KIF1B: variants seen among roughly 807,000 people sequenced by gnomAD.
KIF1B encodes the protein kinesin family member 1B.
Under a neutral mutation model 241.9 loss-of-function variants are expected in KIF1B, and 76 were observed. The ratio of observed to expected loss-of-function variants is 0.31; its 90% CI spans 0.26 to 0.38. KIF1B has a LOEUF of 0.38. KIF1B is among the 10% of genes least tolerant of loss of function. The pLI is 1.00. For synonymous variants in KIF1B, 750 were observed against 796.7 expected, an observed-to-expected ratio of 0.94 and a Z score of 0.99; for missense variants, 1,622 against 2,271.4, an observed-to-expected ratio of 0.71 and a Z score of 5.81.
chr1:10,321,921 G>A, intron 24 of KIF1B, 64 bp downstream of exon 24: 1 of 1,587,438 alleles, frequency 6.3e-7, no homozygotes, highest in Non-Finnish European at 8.6e-7. Flanking sequence ...GTGCATCTGG[G>A]TTCTCACCTT....
chr1:10,244,400 C>G (rs1202075993), intron 2 of KIF1B, among the ~76,000 whole-genome samples: 1 of 150,292 alleles, frequency 6.7e-6, no homozygotes, highest in African/African-American at 2.4e-5. Context: ...CCGCAACCTC[C>G]GCCTCCCAGG....
intron 5 of KIF1B, among the ~76,000 whole-genome samples, chr1:10,262,868 CTTTT>C (rs1477656710): frequency 6.6e-6 from 1 of 152,134 alleles, no homozygotes; most frequent in African/African-American, 2.4e-5. Context: ...CCCTTTCCCA[CTTTT>C]TTAATTGCTT....
At chr1:10,369,341 T>A (rs1401343020) in intron 44 of KIF1B, among the ~76,000 whole-genome samples, 1 of 152,206 alleles carries the variant, frequency 6.6e-6, no homozygotes, top group Non-Finnish European at 1.5e-5. Flanking sequence ...CTTATATTAA[T>A]TCAGGGGCTG....
chr1:10,308,983 G>A (rs1650954172), intron 22 of KIF1B, among the ~76,000 whole-genome samples: 1 of 152,032 alleles, frequency 6.6e-6, no homozygotes, highest in Non-Finnish European at 1.5e-5. Context: ...CTTTATATGG[G>A]CAGAAACTAA....
intron 2 of KIF1B, among the ~76,000 whole-genome samples, chr1:10,244,523 G>A (rs1449899468): frequency 6.6e-6 from 1 of 151,580 alleles, no homozygotes; most frequent in African/African-American, 2.4e-5. Context: ...CCATCTTGAG[G>A]CTGGTCTCGA....
intron 41 of KIF1B, among the ~76,000 whole-genome samples, chr1:10,364,203 T>C (rs973306849): frequency 4.2e-5 from 6 of 143,414 alleles, no homozygotes; most frequent in African/African-American, 1.6e-4. Flanking sequence ...ACAGGATCTT[T>C]TTTTTTTTTT....
intron 2 of KIF1B, among the ~76,000 whole-genome samples, chr1:10,251,352 GGAAAAGA>G (rs1025168757): frequency 2.0e-5 from 3 of 149,666 alleles, no homozygotes; most frequent in Admixed American, 1.3e-4. Flanking sequence ...TTTTTACTAA[GGAAAAGA>G]GAACAAAGCG....
rs747362975 is a variant in KIF1B, at chr1:10,275,424, A to C, written c.883-4A>C. ...TGCTAAGACCATTTCTTTTCCTTTA[A>C]TAGAGTAAAAAGAAGAAGAAAACAG... On this transcript the variant is annotated splice_polypyrimidine_tract_variant and splice_region_variant and intron_variant, in intron 10 of 48. Coordinates refer to ENST00000676179, the MANE Select transcript of KIF1B (RefSeq NM_001365951.3). 3 of 1,507,514 alleles carry C rather than the reference A, an allele frequency of 2.0e-6. No homozygotes were observed. The highest frequency in any genetic ancestry group is 2.8e-6 in the Non-Finnish European group (3 of 1,083,624). 93.4% of individuals were successfully genotyped at this position (1,507,514 alleles called of 1,614,324 possible). A position where few individuals can be genotyped will look rare whatever the true frequency, so the allele number is the denominator to read the frequency against.
chr1:10,240,814 T>A (rs994195869), intron 2 of KIF1B, among the ~76,000 whole-genome samples: 1 of 149,766 alleles, frequency 6.7e-6, no homozygotes, highest in South Asian at 2.1e-4. Flanking sequence ...TCCTCCTACC[T>A]TGGCTTCCTA....
intron 1 of KIF1B, among the ~76,000 whole-genome samples, chr1:10,224,252 GT>G (rs1646882529): frequency 6.6e-6 from 1 of 152,186 alleles, no homozygotes; most frequent in Admixed American, 6.6e-5. Flanking sequence ...GAGTAGCTGG[GT>G]TTACAGGTGC....
At chr1:10,345,629 C>A (rs971804184) in intron 34 of KIF1B, 20 of 551,456 alleles carry the variant, frequency 3.6e-5, no homozygotes, top group African/African-American at 2.5e-4. Flanking sequence ...AAAAAAGATA[C>A]TGATTTCTTT....
In KIF1B at chr1:10,301,533, G is replaced by A. The variant is rs141589253; in HGVS notation, c.2115+4287G>A. Among the ~76,000 whole-genome samples the A allele has an allele frequency of 5.6e-3, 858 of 152,060 alleles. 11 individuals are homozygous for A. Among genetic ancestry groups the A allele is most frequent in the African/African-American group, 0.019 (798 of 41,480 alleles). On this transcript the variant is annotated intron_variant, in intron 22 of 48. Transcript: ENST00000676179. Reference sequence around the variant, plus strand: ...ATGCAAAAATTAGGTAGGCGTGGTGGCAGGTGCCTGTAGTCCCAGCTACTC... The same window carrying A: ...ATGCAAAAATTAGGTAGGCGTGGTGACAGGTGCCTGTAGTCCCAGCTACTC...
chr1:10,279,896 T>C (rs1427276882), intron 14 of KIF1B, among the ~76,000 whole-genome samples: 1 of 151,890 alleles, frequency 6.6e-6, no homozygotes, highest in African/African-American at 2.4e-5. Flanking sequence ...AGGTGAGGGG[T>C]CTCGCTGTGT....
At chr1:10,345,647 T>G in intron 34 of KIF1B, 198 bp from the exon 35 acceptor site, 1 of 587,792 alleles carries the variant, frequency 1.7e-6, no homozygotes, top group African/African-American at 1.9e-5. Context: ...TTTATTTTCC[T>G]TGTTCTCTGA....
intron 1 of KIF1B, among the ~76,000 whole-genome samples, chr1:10,213,900 G>T (rs1646728111): frequency 6.6e-6 from 1 of 152,008 alleles, no homozygotes; most frequent in Non-Finnish European, 1.5e-5. Context: ...GCTTTGGGAG[G>T]CTGAGGCGGG....
intron 2 of KIF1B, among the ~76,000 whole-genome samples, chr1:10,248,312 G>C (rs1647270641): frequency 6.6e-6 from 1 of 151,972 alleles, no homozygotes; most frequent in East Asian, 1.9e-4. Context: ...TGATCTTTCT[G>C]CCTCAGCTTC....
chr1:10,315,262 A>G (rs1181702717), intron 22 of KIF1B, among the ~76,000 whole-genome samples: 1 of 141,688 alleles, frequency 7.1e-6, no homozygotes, highest in African/African-American at 2.8e-5. Flanking sequence ...ACTGCAAACT[A>G]CACCTCCCGG....
intron 38 of KIF1B, among the ~76,000 whole-genome samples, chr1:10,359,152 G>A (rs950057881): frequency 1.3e-5 from 2 of 152,204 alleles, no homozygotes; most frequent in Admixed American, 6.5e-5. Flanking sequence ...TCTGTTGATC[G>A]TTTCTGGAGG....
intron 2 of KIF1B, among the ~76,000 whole-genome samples, chr1:10,254,720 C>CA (rs1314216208): frequency 6.6e-6 from 1 of 151,384 alleles, no homozygotes; most frequent in South Asian, 2.1e-4. Context: ...ACTAAAAATA[C>CA]AAAAAAATTA....
Sources: allele counts gnomAD v4.1 joint callset (sites outside exome capture counted in the v4.1 genomes callset), GRCh38; gene constraint gnomAD v4.1.1; transcripts MANE v1.5; gene names NCBI Gene and HGNC (gene_info 2026-07-23, HGNC 2026-07-21).